Variants in ERC2 observed in about 807,000 individuals in gnomAD.
ERC2 encodes ELKS/RAB6-interacting/CAST family member 2.
In ERC2, 42 loss-of-function variants were observed where a neutral mutation model predicts 114.8. That is an observed-to-expected ratio of 0.37 (90% confidence interval 0.29 to 0.47). The LOEUF is 0.47. Ranked by LOEUF, ERC2 falls within the 20% of genes least tolerant of loss-of-function variation. The pLI is 0.99. For synonymous variants in ERC2, 454 were observed against 425.5 expected, an observed-to-expected ratio of 1.07 and a Z score of -0.82; for missense variants, 939 against 1,150.7, an observed-to-expected ratio of 0.82 and a Z score of 2.66.
At chr3:55,947,019 G>T (rs1182407450) in intron 13 of ERC2, among the ~76,000 whole-genome samples, 1 of 152,174 alleles carries the variant, frequency 6.6e-6, no homozygotes, top group Admixed American at 6.5e-5. Context: ...AGCAGAGGCC[G>T]CAAGCCAATG....
chr3:55,689,072 G>A (rs2062491577), intron 16 of ERC2, among the ~76,000 whole-genome samples: 1 of 152,164 alleles, frequency 6.6e-6, no homozygotes, highest in East Asian at 1.9e-4. Context: ...TGTCTCTCAA[G>A]GGAGAGGCAG....
intron 12 of ERC2, among the ~76,000 whole-genome samples, chr3:55,961,843 G>T (rs1252243882): frequency 4.4e-5 from 5 of 114,412 alleles, no homozygotes; most frequent in African/African-American, 1.7e-4. Context: ...CCAATGAAAT[G>T]ATACCCAGTC....
At chr3:55,843,716 C>T (rs896227091) in intron 14 of ERC2, among the ~76,000 whole-genome samples, 3 of 152,176 alleles carry the variant, frequency 2.0e-5, no homozygotes, top group Admixed American at 6.5e-5. Flanking sequence ...ATTCCTTAAT[C>T]CCACTGCAAA....
chr3:55,892,989 C>T (rs1203924035), intron 13 of ERC2, among the ~76,000 whole-genome samples: 3 of 151,990 alleles, frequency 2.0e-5, no homozygotes, highest in Admixed American at 2.0e-4. Flanking sequence ...GGCGCAGAGG[C>T]CTCCTATATG....
intron 17 of ERC2, among the ~76,000 whole-genome samples, chr3:55,519,732 C>T (rs1049872371): frequency 2.0e-5 from 3 of 152,074 alleles, no homozygotes; most frequent in African/African-American, 7.2e-5. Context: ...AAACATTCTC[C>T]TAGTTAAGGG....
chr3:56,087,783 A>ATTTG (rs1192639710), intron 6 of ERC2, among the ~76,000 whole-genome samples: 1 of 152,156 alleles, frequency 6.6e-6, no homozygotes, highest in Admixed American at 6.6e-5. Flanking sequence ...TCAAAGCTTC[A>ATTTG]TTTGTTTGTT....
At chr3:55,643,054 C>T (rs2060252909) in intron 17 of ERC2, among the ~76,000 whole-genome samples, 1 of 152,174 alleles carries the variant, frequency 6.6e-6, no homozygotes, top group Non-Finnish European at 1.5e-5. Flanking sequence ...AGTGGCTACC[C>T]AGTCTGGAGA....
chr3:56,398,112 C>T lies in ERC2; in HGVS notation c.657+36239G>A, dbSNP rs143783513. On this transcript the variant is annotated intron_variant, in intron 2 of 17. Transcript: ENST00000288221. ...CCATAAATTGAGTTTATATATGTTG[C>T]TAGAGTATGTGGGGGAAAATAGAAT... Among the ~76,000 whole-genome samples the T allele has an allele frequency of 2.3e-4, 35 of 152,232 alleles. 1 individual carries two copies. The East Asian group carries it at 6.0e-3, about 26-fold the overall frequency.
chr3:56,292,229 A>G (rs948497905), intron 3 of ERC2, among the ~76,000 whole-genome samples: 30 of 152,160 alleles, frequency 2.0e-4, no homozygotes, highest in African/African-American at 6.5e-4. Context: ...CTCATAACAC[A>G]TATCAACAGC....
intron 2 of ERC2, among the ~76,000 whole-genome samples, chr3:56,329,186 G>C (rs1247535728): frequency 1.3e-5 from 2 of 152,200 alleles, no homozygotes; most frequent in East Asian, 1.9e-4. Flanking sequence ...ATGTTTAAAA[G>C]ATTTTGTTAT....
chr3:55,977,350 A>G (rs2069674868), intron 12 of ERC2, among the ~76,000 whole-genome samples: 2 of 115,796 alleles, frequency 1.7e-5, no homozygotes, highest in African/African-American at 6.9e-5. Flanking sequence ...ACCATTAGCC[A>G]AATAAAAGAA....
intron 17 of ERC2, among the ~76,000 whole-genome samples, chr3:55,589,337 C>T (rs112063844): frequency 1.3e-5 from 2 of 151,788 alleles, no homozygotes; most frequent in African/African-American, 4.8e-5. Flanking sequence ...GGTGCGCAAA[C>T]GAGCAGCTTA....
At chr3:56,164,854 A>C (rs1024282626) in intron 4 of ERC2, among the ~76,000 whole-genome samples, 1 of 152,068 alleles carries the variant, frequency 6.6e-6, no homozygotes, top group East Asian at 1.9e-4. Flanking sequence ...AATGATGTTC[A>C]GTATTTTTTA....
intron 13 of ERC2, among the ~76,000 whole-genome samples, chr3:55,947,919 CT>C (rs2067234940): frequency 6.6e-6 from 1 of 152,130 alleles, no homozygotes; most frequent in Admixed American, 6.5e-5. Flanking sequence ...TGTTAAAAGC[CT>C]AGACCCTGAA....
At chr3:55,800,093 G>T (rs1422046911) in intron 14 of ERC2, among the ~76,000 whole-genome samples, 2 of 151,930 alleles carry the variant, frequency 1.3e-5, no homozygotes, top group African/African-American at 4.8e-5. Flanking sequence ...TAGAGACAGG[G>T]GCTATAGCAG....
intron 4 of ERC2, among the ~76,000 whole-genome samples, chr3:56,150,512 A>G (rs1310218816): frequency 6.6e-6 from 1 of 152,130 alleles, no homozygotes; most frequent in African/African-American, 2.4e-5. Flanking sequence ...AAACTTCAAG[A>G]AGATGAAATA....
chr3:56,394,743 T>C (rs1291868577), intron 2 of ERC2, among the ~76,000 whole-genome samples: 2 of 152,186 alleles, frequency 1.3e-5, no homozygotes, highest in African/African-American at 2.4e-5. Flanking sequence ...GCTGAAAAAC[T>C]AGAACCCTTT....
chr3:55,635,398 CT>C (rs1255466480), intron 17 of ERC2, among the ~76,000 whole-genome samples: 66 of 146,698 alleles, frequency 4.5e-4, no homozygotes, highest in African/African-American at 1.3e-3. Flanking sequence ...TTTTTTCTTT[CT>C]TTTTTTTTTG....
chr3:56,422,761 C>G (rs2061433389), intron 2 of ERC2, among the ~76,000 whole-genome samples: 1 of 152,184 alleles, frequency 6.6e-6, no homozygotes, highest in South Asian at 2.1e-4. Flanking sequence ...AATCGCAGCT[C>G]TATTGGTGAG....
Sources: gnomAD v4.1 joint callset for allele counts (sites outside exome capture counted in the v4.1 genomes callset) on GRCh38, gnomAD v4.1.1 for gene constraint, MANE v1.5 for transcripts, NCBI Gene and HGNC (gene_info 2026-07-23, HGNC 2026-07-21) for gene names.